SORCS2: variants seen among roughly 807,000 people sequenced by gnomAD.
SORCS2 encodes VPS10 domain-containing receptor SorCS2.
A neutral mutation model predicts 141.6 loss-of-function variants in SORCS2; 100 were observed. The ratio of observed to expected loss-of-function variants is 0.71; its 90% CI spans 0.60 to 0.83. The LOEUF (loss-of-function observed/expected upper bound fraction) is 0.83, where lower values mean the gene tolerates loss of function less well. Ranked by LOEUF, SORCS2 falls within the 40% of genes least tolerant of loss-of-function variation. SORCS2 has a pLI of 0.00. For synonymous variants in SORCS2, 789 were observed against 676.9 expected, an observed-to-expected ratio of 1.17 and a Z score of -2.57; for missense variants, 1,646 against 1,560.2, an observed-to-expected ratio of 1.05 and a Z score of -0.93.
intron 2 of SORCS2, among the ~76,000 whole-genome samples, chr4:7,438,009 A>G (rs978998948): frequency 1.3e-5 from 2 of 152,238 alleles, no homozygotes; most frequent in African/African-American, 4.8e-5. Context: ...CCTAAGGACC[A>G]GGACATTCTC....
At chr4:7,525,004 G>T (rs941512415) in intron 2 of SORCS2, among the ~76,000 whole-genome samples, 1 of 152,218 alleles carries the variant, frequency 6.6e-6, no homozygotes, top group Non-Finnish European at 1.5e-5. Context: ...GCTTAACTCG[G>T]GTCCTCCTTT....
chr4:7,520,755 G>C (rs1164355225), intron 2 of SORCS2, among the ~76,000 whole-genome samples: 1 of 152,238 alleles, frequency 6.6e-6, no homozygotes. Flanking sequence ...CACACTGCCA[G>C]GGCTGAGTCT....
At position 7,741,291 on chromosome 4, in the gene SORCS2, A is replaced by T. The variant is rs145927217; in HGVS notation, c.*1027A>T. 5.0e-6 allele frequency: 2 copies of T among 398,980 alleles called. No individual in the cohort carries two copies. The highest frequency in any genetic ancestry group is 3.6e-5 in the East Asian group (1 of 28,064). 24.7% of individuals were successfully genotyped at this position (398,980 alleles called of 1,614,324 possible). A position where few individuals can be genotyped will look rare whatever the true frequency, so the allele number is the denominator to read the frequency against. ...CGTGACCCTCATTTTCAAGAAGGGGAAACTGAGGCCCAGGGAGGAGAGTAA... is the reference window on the plus strand; with the variant it reads ...CGTGACCCTCATTTTCAAGAAGGGGTAACTGAGGCCCAGGGAGGAGAGTAA... On this transcript the variant is annotated 3_prime_UTR_variant, in exon 27 of 27. Coordinates refer to ENST00000507866, the MANE Select transcript of SORCS2 (RefSeq NM_020777.3).
intron 1 of SORCS2, among the ~76,000 whole-genome samples, chr4:7,385,308 C>G (rs892180522): frequency 1.3e-5 from 2 of 152,170 alleles, no homozygotes; most frequent in East Asian, 3.9e-4. Flanking sequence ...GGATCAGTGT[C>G]TTTGAAATGG....
intron 3 of SORCS2, among the ~76,000 whole-genome samples, chr4:7,569,952 T>C (rs142041134): frequency 0.014 from 2,194 of 152,282 alleles, 41 homozygotes; most frequent in Non-Finnish European, 0.023. Context: ...AGGGCTGCTC[T>C]GGTAGCGGCT....
At chr4:7,465,266 A>G (rs939825432) in intron 2 of SORCS2, among the ~76,000 whole-genome samples, 6 of 152,172 alleles carry the variant, frequency 3.9e-5, no homozygotes, top group Admixed American at 3.9e-4. Flanking sequence ...TGAATATTTA[A>G]TCTCAGCGGT....
At position 7,664,588 on chromosome 4, in the gene SORCS2, A is replaced by C; in HGVS notation, c.1071+117A>C. On this transcript the variant is annotated intron_variant, in intron 7 of 26. Transcript: ENST00000507866. This position sits in a 1 kb window ranked among gnomAD's most constrained non-coding sequence, Gnocchi z 4.7. Reference sequence around the variant, plus strand: ...GCAATAAAACGGGTATTTCACTCTCAAATGCTACTTCGCAGGTCACGGTTT... The same window carrying C: ...GCAATAAAACGGGTATTTCACTCTCCAATGCTACTTCGCAGGTCACGGTTT... 1 of 706,124 alleles carries C rather than the reference A, an allele frequency of 1.4e-6. No homozygotes were observed. Among genetic ancestry groups the C allele is most frequent in the Non-Finnish European group, 2.4e-6 (1 of 422,536 alleles). 43.7% of individuals were successfully genotyped at this position (706,124 alleles called of 1,614,324 possible).
intron 1 of SORCS2, chr4:7,381,888 T>G: frequency 1.0e-6 from 1 of 986,228 alleles, no homozygotes; most frequent in Non-Finnish European, 1.2e-6. Flanking sequence ...GGCCACAGCC[T>G]TCAACCAGCA....
intron 3 of SORCS2, among the ~76,000 whole-genome samples, chr4:7,591,101 T>G (rs879750147): frequency 5.9e-5 from 9 of 152,192 alleles, no homozygotes; most frequent in Non-Finnish European, 1.2e-4. Context: ...GCAGATGGGA[T>G]GAAGTGGGCA....
intron 1 of SORCS2, among the ~76,000 whole-genome samples, chr4:7,382,204 C>G (rs976016553): frequency 6.6e-6 from 1 of 152,030 alleles, no homozygotes; most frequent in African/African-American, 2.4e-5. Flanking sequence ...TGGAGCTGAG[C>G]GGGGAGCAAT....
At chr4:7,257,156 A>G (rs1713945045) in intron 1 of SORCS2, among the ~76,000 whole-genome samples, 1 of 152,038 alleles carries the variant, frequency 6.6e-6, no homozygotes, top group African/African-American at 2.4e-5. Flanking sequence ...CGGGCCCTGG[A>G]GTGGGCAGGT....
At chr4:7,556,399 G>T (rs1435392897) in intron 3 of SORCS2, among the ~76,000 whole-genome samples, 1 of 152,046 alleles carries the variant, frequency 6.6e-6, no homozygotes, top group Non-Finnish European at 1.5e-5. Context: ...AGACACTCGC[G>T]CAGCCTCTGT....
At chr4:7,360,867 T>C (rs1721541694) in intron 1 of SORCS2, among the ~76,000 whole-genome samples, 1 of 151,708 alleles carries the variant, frequency 6.6e-6, no homozygotes, top group Admixed American at 6.6e-5. Context: ...TTACAGCCAC[T>C]GCCCGGCCCG....
chr4:7,700,883 G>C (rs1179228502), intron 12 of SORCS2, among the ~76,000 whole-genome samples: 1 of 152,240 alleles, frequency 6.6e-6, no homozygotes, highest in African/African-American at 2.4e-5. Context: ...CCCGTGGAAG[G>C]GGCAGGGGTT....
In SORCS2 at chr4:7,434,099, C is replaced by G. The variant is rs367545889; in HGVS notation, c.548+37744C>G. 152 of 1,611,516 alleles carry G rather than the reference C, an allele frequency of 9.4e-5. No individual in the cohort carries two copies. The South Asian group carries it at 1.6e-3, about 16-fold the overall frequency. On this transcript the variant is annotated intron_variant, in intron 2 of 26. Transcript: ENST00000507866. ...ATGGCCACTACTTGAGTCAAACGGG[C>G]AGGTGCCCCTAGCTCCTCACAGAAT...
intron 2 of SORCS2, among the ~76,000 whole-genome samples, chr4:7,494,604 C>T (rs1271951279): frequency 6.6e-6 from 1 of 152,178 alleles, no homozygotes; most frequent in East Asian, 1.9e-4. Flanking sequence ...CCTCATCCAA[C>T]CCTAATCACC....
intron 2 of SORCS2, among the ~76,000 whole-genome samples, chr4:7,400,666 G>C (rs1482895817): frequency 6.6e-6 from 1 of 152,216 alleles, no homozygotes; most frequent in Non-Finnish European, 1.5e-5. Context: ...TGGATGGATG[G>C]ACAGATGGAC....
chr4:7,416,687 C>G (rs28372606), intron 2 of SORCS2, among the ~76,000 whole-genome samples: 10,478 of 151,754 alleles, frequency 0.069, 520 homozygotes, highest in African/African-American at 0.15. Context: ...CACTCAGACA[C>G]GCATGCATGC....
intron 3 of SORCS2, among the ~76,000 whole-genome samples, chr4:7,556,638 A>G (rs1714125961): frequency 2.0e-5 from 3 of 152,080 alleles, no homozygotes; most frequent in Non-Finnish European, 2.9e-5. Flanking sequence ...ATTTTTTTCC[A>G]TGTACCCATC....
Sources: allele counts gnomAD v4.1 joint callset (sites outside exome capture counted in the v4.1 genomes callset), GRCh38; gene constraint gnomAD v4.1.1; non-coding constraint Gnocchi (gnomAD v3.1); transcripts MANE v1.5; gene names NCBI Gene and HGNC (gene_info 2026-07-23, HGNC 2026-07-21).